The following ARNT2 variants were observed in gnomAD, a reference collection of about 807,000 sequenced individuals.
ARNT2 encodes aryl hydrocarbon receptor nuclear translocator 2.
In ARNT2, 36 loss-of-function variants were observed where a neutral mutation model predicts 91.7. That is an observed-to-expected ratio of 0.39 (90% CI 0.30 to 0.52). ARNT2 has a LOEUF of 0.52. ARNT2 is among the 20% of genes least tolerant of loss of function. ARNT2 has a pLI of 0.72. For synonymous variants in ARNT2, 365 were observed against 347.1 expected, an observed-to-expected ratio of 1.05 and a Z score of -0.57; for missense variants, 775 against 939.3, an observed-to-expected ratio of 0.83 and a Z score of 2.29.
rs115430107 is a variant in ARNT2, at chr15:80,483,762, G to A, written c.622+8539G>A. 8.1e-3 allele frequency among the ~76,000 whole-genome samples: 1,233 copies of A among 152,342 alleles called. 16 individuals are homozygous for A. Among genetic ancestry groups the A allele is most frequent in the African/African-American group, 0.028 (1,159 of 41,584 alleles). Reference sequence around the variant, plus strand: ...GTTATACATGATGCTGCAAGAGTCAGCGTGCACCTCCTGGAACGTGTGTGC... The same window carrying A: ...GTTATACATGATGCTGCAAGAGTCAACGTGCACCTCCTGGAACGTGTGTGC... On this transcript the variant is annotated intron_variant, in intron 5 of 18. Coordinates refer to ENST00000303329, the MANE Select transcript of ARNT2 (RefSeq NM_014862.4).
intron 5 of ARNT2, among the ~76,000 whole-genome samples, chr15:80,486,421 A>AG (rs1340279594): frequency 6.6e-6 from 1 of 152,192 alleles, no homozygotes; most frequent in East Asian, 1.9e-4. Flanking sequence ...GAAACCAACA[A>AG]GGGGAGTTGA....
chr15:80,534,552 G>A (rs1234095511), intron 8 of ARNT2, among the ~76,000 whole-genome samples: 2 of 152,088 alleles, frequency 1.3e-5, no homozygotes, highest in Non-Finnish European at 2.9e-5. Flanking sequence ...TTAAAAAATG[G>A]AGCTCATGTA....
chr15:80,405,083 G>A (rs1895579871), intron 1 of ARNT2, among the ~76,000 whole-genome samples: 1 of 152,216 alleles, frequency 6.6e-6, no homozygotes, highest in African/African-American at 2.4e-5. Context: ...CCCTCCGGGG[G>A]CACAAAACAC....
intron 8 of ARNT2, among the ~76,000 whole-genome samples, chr15:80,543,521 C>T (rs933606240): frequency 1.3e-5 from 2 of 152,164 alleles, no homozygotes; most frequent in African/African-American, 4.8e-5. Flanking sequence ...AATTGTCAGC[C>T]ATTATTTCTT....
In ARNT2 at chr15:80,470,462, G is replaced by C. The variant is rs369009834; in HGVS notation, c.408+31G>C. On this transcript the variant is annotated intron_variant, in intron 4 of 18. Transcript: ENST00000303329. ...CTGGTCATCACATCACCATTGGAAA[G>C]CGGGGGGAATCCCAGCGTCACCAAG... is the stretch of plus-strand genomic sequence containing the variant. 59 of 1,604,896 alleles carry C rather than the reference G, an allele frequency of 3.7e-5. 2 individuals are homozygous for C. In the African/African-American group the frequency reaches 4.4e-4, roughly 12 times the overall value.
chr15:80,424,006 T>C (rs1425445349), intron 1 of ARNT2, among the ~76,000 whole-genome samples: 2 of 152,228 alleles, frequency 1.3e-5, no homozygotes, highest in African/African-American at 4.8e-5. Flanking sequence ...CCACCTTGTG[T>C]TGGTTTTATT....
intron 8 of ARNT2, among the ~76,000 whole-genome samples, chr15:80,527,967 C>T (rs1897665626): frequency 6.6e-6 from 1 of 152,138 alleles, no homozygotes; most frequent in Non-Finnish European, 1.5e-5. Context: ...GCCTTCCCTA[C>T]ACTGAAGGTT....
chr15:80,426,940 T>C (rs1895940986), intron 1 of ARNT2, among the ~76,000 whole-genome samples: 1 of 152,160 alleles, frequency 6.6e-6, no homozygotes, highest in Non-Finnish European at 1.5e-5. Context: ...AAGCGAGCTG[T>C]CTGGTATGTC....
chr15:80,494,950 C>T (rs1168988799), intron 5 of ARNT2, among the ~76,000 whole-genome samples: 1 of 152,174 alleles, frequency 6.6e-6, no homozygotes, highest in Non-Finnish European at 1.5e-5. Flanking sequence ...GCACCTTCCC[C>T]AGATGGTACA....
At chr15:80,449,716 T>C (rs961169437) in intron 1 of ARNT2, among the ~76,000 whole-genome samples, 1 of 152,224 alleles carries the variant, frequency 6.6e-6, no homozygotes, top group African/African-American at 2.4e-5. Context: ...TTATTAAACA[T>C]ACAGTGTTTT....
chr15:80,469,930 T>C (rs1390719561), intron 3 of ARNT2, among the ~76,000 whole-genome samples: 2 of 152,206 alleles, frequency 1.3e-5, no homozygotes, highest in African/African-American at 4.8e-5. Flanking sequence ...GTCTCAATTT[T>C]TTATGCTTAC....
intron 15 of ARNT2, among the ~76,000 whole-genome samples, chr15:80,579,227 T>C (rs1446950522): frequency 6.6e-6 from 1 of 152,174 alleles, no homozygotes; most frequent in Non-Finnish European, 1.5e-5. Flanking sequence ...AGGGTCCTAC[T>C]AGACAATAGT....
chr15:80,556,357 G>A (rs1898189432), intron 11 of ARNT2: 1 of 152,208 alleles, frequency 6.6e-6, no homozygotes, highest in Non-Finnish European at 1.5e-5. Context: ...AGGCAGAGCA[G>A]TGTTTTGAAA....
chr15:80,452,097 G>T (rs886318593), intron 2 of ARNT2, among the ~76,000 whole-genome samples: 4 of 152,330 alleles, frequency 2.6e-5, no homozygotes, highest in Admixed American at 2.6e-4. Flanking sequence ...GGGATGGAGT[G>T]TGGCTAGAAT....
chr15:80,450,060 C>T (rs762945197), intron 1 of ARNT2, among the ~76,000 whole-genome samples: 5 of 152,052 alleles, frequency 3.3e-5, no homozygotes, highest in Admixed American at 6.5e-5. Flanking sequence ...AGGAGCTCTC[C>T]GTTAAGTAGG....
chr15:80,542,312 T>A (rs537178030), intron 8 of ARNT2, among the ~76,000 whole-genome samples: 4 of 152,222 alleles, frequency 2.6e-5, no homozygotes, highest in Non-Finnish European at 5.9e-5. Context: ...AACTCCCTTA[T>A]GTGCTTAAAG....
chr15:80,491,296 G>A (rs1393699452), intron 5 of ARNT2, among the ~76,000 whole-genome samples: 9 of 152,212 alleles, frequency 5.9e-5, no homozygotes, highest in Non-Finnish European at 7.3e-5. Flanking sequence ...AGAAGGCAAG[G>A]AGGAACAAGT....
At chr15:80,463,126 G>T (rs1387907353) in intron 3 of ARNT2, among the ~76,000 whole-genome samples, 1 of 152,234 alleles carries the variant, frequency 6.6e-6, no homozygotes, top group Non-Finnish European at 1.5e-5. Context: ...TTAGCCTAGA[G>T]AGTGGGTTAC....
intron 1 of ARNT2, among the ~76,000 whole-genome samples, chr15:80,435,701 A>G (rs1896075800): frequency 6.6e-6 from 1 of 152,208 alleles, no homozygotes; most frequent in Non-Finnish European, 1.5e-5. Flanking sequence ...TGTGGGCTTC[A>G]GAGACAGCTT....
Sources: allele counts gnomAD v4.1 joint callset (sites outside exome capture counted in the v4.1 genomes callset), GRCh38; gene constraint gnomAD v4.1.1; transcripts MANE v1.5; gene names NCBI Gene and HGNC (gene_info 2026-07-23, HGNC 2026-07-21).